The following TEX14 variants were observed in gnomAD, a reference collection of about 807,000 sequenced individuals.
TEX14 encodes inactive serine/threonine-protein kinase TEX14.
A neutral mutation model predicts 178.6 loss-of-function variants in TEX14; 168 were observed. The observed-to-expected ratio is 0.94, with a 90% CI of 0.83 to 1.07. The LOEUF (loss-of-function observed/expected upper bound fraction) is 1.07. Among genes scored for constraint, TEX14 ranks in the 50% least tolerant of loss-of-function variants. The pLI is 0.00. For synonymous variants in TEX14, 626 were observed against 634.1 expected, an observed-to-expected ratio of 0.99 and a Z score of 0.19; for missense variants, 1,730 against 1,753.6, an observed-to-expected ratio of 0.99 and a Z score of 0.24.
chr17:58,591,472 C>G (rs1309209990), intron 15 of TEX14, among the ~76,000 whole-genome samples: 1 of 151,918 alleles, frequency 6.6e-6, no homozygotes, highest in Admixed American at 6.6e-5. Context: ...GAGCCAATAT[C>G]GCGCCATTGC....
intron 19 of TEX14, among the ~76,000 whole-genome samples, chr17:58,582,447 A>AG (rs2044844430): frequency 6.6e-6 from 1 of 151,690 alleles, no homozygotes; most frequent in Non-Finnish European, 1.5e-5. Flanking sequence ...TTTAGTAGAG[A>AG]GGGGTTTCAC....
Position 58,654,732 on chromosome 17 carries a change from T to A in TEX14, c.-1-2730A>T, listed in dbSNP as rs1436218068. On this transcript the variant is annotated intron_variant, in intron 1 of 31. Coordinates refer to ENST00000349033, the MANE Select transcript of TEX14 (RefSeq NM_031272.5). ...ATGTTGGCCAGGGTGGTCTCAAACT[T>A]CTGACCTCAGGTGATCTGCCCACCT... 4.2e-4 allele frequency among the ~76,000 whole-genome samples: 64 copies of A among 151,654 alleles called. No homozygotes were observed. The Middle Eastern group carries it at 0.01, about 24-fold the overall frequency.
At chr17:58,587,551 G>C (rs762328352) in intron 17 of TEX14, 30 bp downstream of exon 17, 1 of 1,298,934 alleles carries the variant, frequency 7.7e-7, no homozygotes, top group Non-Finnish European at 1.1e-6. Context: ...ATTTCATTTT[G>C]TCTAATAAAA....
At chr17:58,591,448 G>T (rs926147810) in intron 15 of TEX14, among the ~76,000 whole-genome samples, 1 of 152,140 alleles carries the variant, frequency 6.6e-6, no homozygotes, top group African/African-American at 2.4e-5. Context: ...AACCTGGGAG[G>T]TGGAGGTTGC....
At chr17:58,616,608 A>T (rs953802767) in intron 6 of TEX14, among the ~76,000 whole-genome samples, 6 of 151,462 alleles carry the variant, frequency 4.0e-5, no homozygotes, top group Non-Finnish European at 5.9e-5. Context: ...TTTTTTTTTT[A>T]AATAGAGACG....
intron 14 of TEX14, among the ~76,000 whole-genome samples, chr17:58,595,906 C>T (rs964852602): frequency 6.6e-6 from 1 of 152,166 alleles, no homozygotes; most frequent in African/African-American, 2.4e-5. Flanking sequence ...TATTTCAGGC[C>T]GGGCGCGGTC....
chr17:58,613,420 C>G lies in TEX14; in HGVS notation c.1005+1G>C. On this transcript the variant is annotated splice_donor_variant, in intron 9 of 31. Transcript: ENST00000349033. LOFTEE classifies it high-confidence loss of function. ...GAAAATCCACGGAAACAGCAGTTTA[C>G]TCGTTCATGAAGGACACTGAACAAT... The G allele has an allele frequency of 6.2e-7, 1 of 1,613,946 alleles. No homozygotes were observed. Among genetic ancestry groups the G allele is most frequent in the African/African-American group, 1.3e-5 (1 of 75,036 alleles).
intron 1 of TEX14, among the ~76,000 whole-genome samples, chr17:58,673,281 C>T (rs2047333714): frequency 6.6e-6 from 1 of 151,322 alleles, no homozygotes; most frequent in Non-Finnish European, 1.5e-5. Context: ...GAGTTCAAGA[C>T]CAGCCTGGCC....
At chr17:58,600,350 ACATGGTGACCAC>A (rs1231575879) in intron 13 of TEX14, among the ~76,000 whole-genome samples, 1 of 151,202 alleles carries the variant, frequency 6.6e-6, no homozygotes, top group Non-Finnish European at 1.5e-5. Context: ...ATGGTGACCA[ACATGGTGACCAC>A]CATGGCCTGA....
At chr17:58,581,801 A>G in intron 19 of TEX14, 1 of 1,551,698 alleles carries the variant, frequency 6.4e-7, no homozygotes, top group Non-Finnish European at 8.7e-7. Flanking sequence ...AGTTGGATGC[A>G]GTGTTAACAA....
chr17:58,651,499 G>C (rs567073280), intron 2 of TEX14, among the ~76,000 whole-genome samples: 1 of 152,252 alleles, frequency 6.6e-6, no homozygotes, highest in African/African-American at 2.4e-5. Flanking sequence ...GCAAGGAAGG[G>C]GACAGCTGTG....
intron 1 of TEX14, among the ~76,000 whole-genome samples, chr17:58,657,442 C>G (rs138986742): frequency 3.4e-4 from 50 of 147,006 alleles, no homozygotes; most frequent in Non-Finnish European, 5.9e-4. Flanking sequence ...AGGGGAATAA[C>G]TGGTGTTTGT....
At chr17:58,690,828 G>C (rs2047693839) in intron 1 of TEX14, among the ~76,000 whole-genome samples, 3 of 152,142 alleles carry the variant, frequency 2.0e-5, no homozygotes, top group Non-Finnish European at 4.4e-5. Context: ...TAGTAAAAAG[G>C]ATGCTAGGTT....
chr17:58,608,273 C>G (rs1471664457), intron 10 of TEX14, among the ~76,000 whole-genome samples: 1 of 152,006 alleles, frequency 6.6e-6, no homozygotes, highest in East Asian at 1.9e-4. Flanking sequence ...AAAAATTAGC[C>G]GGGTATGGTG....
At chr17:58,655,031 CTTT>C (rs1188938621) in intron 1 of TEX14, among the ~76,000 whole-genome samples, 3 of 130,850 alleles carry the variant, frequency 2.3e-5, no homozygotes, top group African/African-American at 2.9e-5. Flanking sequence ...AAACTCCCTT[CTTT>C]TTTTTTTTTT....
intron 2 of TEX14, among the ~76,000 whole-genome samples, chr17:58,644,678 G>A (rs564226516): frequency 9.4e-5 from 10 of 106,570 alleles, no homozygotes; most frequent in African/African-American, 3.7e-4. Flanking sequence ...ACGGAGTTTC[G>A]CTCTTTTGCC....
intron 2 of TEX14, among the ~76,000 whole-genome samples, chr17:58,646,189 A>G (rs975775878): frequency 6.6e-5 from 10 of 152,246 alleles, no homozygotes; most frequent in African/African-American, 2.2e-4. Flanking sequence ...TTAAAAGCCA[A>G]TCGCTATTAT....
At chr17:58,625,046 C>T (rs79425929) in intron 3 of TEX14, among the ~76,000 whole-genome samples, 3,223 of 152,302 alleles carry the variant, frequency 0.021, 107 homozygotes, top group African/African-American at 0.073. Flanking sequence ...GTCCAGCACA[C>T]TGCATCGTGG....
Position 58,622,952 on chromosome 17 carries a change from G to C in TEX14, c.312C>G (p.Ile104Met), listed in dbSNP as rs947479155. ...CTCCTGCATCCAGCAGTTTGCTAAG[G>C]ATCCACTGATTGCCCGAAAATGCTG... ...HAAAFSGNQW[I>M]LSKLLDAGGD... is the part of the protein sequence containing the mutation. The change falls in exon 4 of 32, where the codon ATC (isoleucine) becomes ATG (methionine). Residue 104 changes from isoleucine to methionine, a missense_variant. This residue lies in a region of TEX14 where 789 missense variants were observed against 681.2 expected (regional missense o/e 1.16). Transcript: ENST00000349033. The C allele has an allele frequency of 1.9e-6, 3 of 1,611,598 alleles. No homozygotes were observed. Among genetic ancestry groups the C allele is most frequent in the Non-Finnish European group, 1.7e-6 (2 of 1,177,968 alleles).
Sources: allele counts gnomAD v4.1 joint callset (sites outside exome capture counted in the v4.1 genomes callset), GRCh38; gene constraint gnomAD v4.1.1; regional missense constraint gnomAD v4.1.1; transcripts MANE v1.5; gene names NCBI Gene and HGNC (gene_info 2026-07-23, HGNC 2026-07-21).